Variants in ATP8A2 observed in about 807,000 individuals in gnomAD.
The protein encoded by ATP8A2 is ATPase phospholipid transporting 8A2.
Under a neutral mutation model 165.6 loss-of-function variants are expected in ATP8A2, and 100 were observed. The ratio of observed to expected loss-of-function variants is 0.60; its 90% CI spans 0.51 to 0.71. The LOEUF is 0.71. Ranked by LOEUF, ATP8A2 falls within the 30% of genes least tolerant of loss-of-function variation. ATP8A2 has a pLI of 0.00. For synonymous variants in ATP8A2, 543 were observed against 548.8 expected, an observed-to-expected ratio of 0.99 and a Z score of 0.15; for missense variants, 1,227 against 1,479.5, an observed-to-expected ratio of 0.83 and a Z score of 2.80.
At chr13:25,922,760 A>T (rs1439999772) in intron 33 of ATP8A2, among the ~76,000 whole-genome samples, 1 of 152,180 alleles carries the variant, frequency 6.6e-6, no homozygotes, top group African/African-American at 2.4e-5. Context: ...GGGTTCCCAA[A>T]GAAGGGGGGA....
chr13:25,924,218 C>G (rs1284215240), intron 33 of ATP8A2, among the ~76,000 whole-genome samples: 1 of 152,206 alleles, frequency 6.6e-6, no homozygotes, highest in Non-Finnish European at 1.5e-5. Flanking sequence ...CTGTAGATAT[C>G]TGGATTCATT....
intron 1 of ATP8A2, among the ~76,000 whole-genome samples, chr13:25,437,289 C>T (rs868789464): frequency 6.6e-6 from 1 of 152,194 alleles, no homozygotes; most frequent in Non-Finnish European, 1.5e-5. Flanking sequence ...AGCACCAGAG[C>T]TTTCAAAGAT....
At chr13:25,714,247 C>T (rs1162657373) in intron 25 of ATP8A2, among the ~76,000 whole-genome samples, 1 of 152,056 alleles carries the variant, frequency 6.6e-6, no homozygotes, top group Admixed American at 6.6e-5. Flanking sequence ...TTCTGTGTCC[C>T]GGCCACATTG....
At chr13:25,577,572 G>A (rs1485194754) in intron 20 of ATP8A2, among the ~76,000 whole-genome samples, 2 of 152,030 alleles carry the variant, frequency 1.3e-5, no homozygotes, top group Non-Finnish European at 2.9e-5. Context: ...AGAGAGACGT[G>A]TTTTAGGTAC....
chr13:25,401,293 G>C (rs1045334573), intron 1 of ATP8A2, among the ~76,000 whole-genome samples: 1 of 152,142 alleles, frequency 6.6e-6, no homozygotes, highest in Non-Finnish European at 1.5e-5. Context: ...CAAATGAAAA[G>C]GATTGTTATG....
intron 1 of ATP8A2, among the ~76,000 whole-genome samples, chr13:25,435,408 C>T (rs2034731195): frequency 1.3e-5 from 2 of 152,082 alleles, no homozygotes; most frequent in Admixed American, 6.5e-5. Flanking sequence ...CGTGAACCAC[C>T]GCGCCCGGCT....
chr13:25,510,414 T>C (rs2037187820), intron 2 of ATP8A2, among the ~76,000 whole-genome samples: 1 of 152,106 alleles, frequency 6.6e-6, no homozygotes, highest in Non-Finnish European at 1.5e-5. Flanking sequence ...GAGAACTTAA[T>C]AAGAGCAAAT....
chr13:25,870,996 G>T (rs950419931), intron 33 of ATP8A2, among the ~76,000 whole-genome samples: 1 of 151,798 alleles, frequency 6.6e-6, no homozygotes, highest in African/African-American at 2.4e-5. Flanking sequence ...TTTAGTCCTT[G>T]TCCTCCCTTC....
At chr13:25,662,074 T>C (rs1256617114) in intron 24 of ATP8A2, among the ~76,000 whole-genome samples, 4 of 152,282 alleles carry the variant, frequency 2.6e-5, no homozygotes, top group South Asian at 2.1e-4. Flanking sequence ...CAGGAGCAAA[T>C]TACCTAAGCT....
intron 25 of ATP8A2, among the ~76,000 whole-genome samples, chr13:25,737,406 C>T (rs907737529): frequency 1.2e-4 from 18 of 152,218 alleles, no homozygotes; most frequent in Admixed American, 2.6e-4. Context: ...CAAGAAGAGT[C>T]ACCTGTTGGT....
chr13:25,460,054 A>G (rs1044148111), intron 1 of ATP8A2, among the ~76,000 whole-genome samples: 1 of 152,128 alleles, frequency 6.6e-6, no homozygotes, highest in African/African-American at 2.4e-5. Flanking sequence ...TACAAAAATT[A>G]GCCGGGCATG....
intron 1 of ATP8A2, among the ~76,000 whole-genome samples, chr13:25,450,692 C>A (rs12184862): frequency 1.3e-5 from 2 of 151,908 alleles, no homozygotes; most frequent in South Asian, 2.1e-4. Flanking sequence ...CCACCATGCC[C>A]GGCTAATTTT....
At chr13:25,791,239 A>G (rs906665565) in intron 27 of ATP8A2, among the ~76,000 whole-genome samples, 1 of 152,116 alleles carries the variant, frequency 6.6e-6, no homozygotes, top group Admixed American at 6.5e-5. Flanking sequence ...TTGCAAGACC[A>G]TGGATGGAGC....
intron 27 of ATP8A2, among the ~76,000 whole-genome samples, chr13:25,793,365 G>A (rs2045231993): frequency 6.6e-6 from 1 of 152,074 alleles, no homozygotes; most frequent in South Asian, 2.1e-4. Context: ...TATTAAGTCG[G>A]GTCACCCCAA....
intron 34 of ATP8A2, 136 bp downstream of exon 34, chr13:25,961,799 TGAA>T (rs1022653776): frequency 1.4e-5 from 9 of 665,316 alleles, no homozygotes; most frequent in Non-Finnish European, 5.2e-6. Flanking sequence ...CTGCCAGAAA[TGAA>T]AAAAAAATTT....
chr13:25,933,651 G>T (rs1482995346), intron 33 of ATP8A2, among the ~76,000 whole-genome samples: 1 of 152,136 alleles, frequency 6.6e-6, no homozygotes, highest in African/African-American at 2.4e-5. Flanking sequence ...CTTCCCAAGG[G>T]CATGGGGGTA....
chr13:25,713,920 G>A (rs527640810), intron 25 of ATP8A2, among the ~76,000 whole-genome samples: 8 of 152,194 alleles, frequency 5.3e-5, no homozygotes, highest in African/African-American at 1.9e-4. Flanking sequence ...TACGTAGACT[G>A]TACAGTTATG....
At position 25,372,382 on chromosome 13, in the gene ATP8A2, C is replaced by G; in HGVS notation, c.76+94C>G. 3.2e-6 allele frequency: 3 copies of G among 931,058 alleles called. No individual in the cohort carries two copies. Among genetic ancestry groups the G allele is most frequent in the Non-Finnish European group, 4.3e-6 (3 of 694,174 alleles). The allele number at this position is 931,058 out of a possible 1,614,324, so 57.7% of individuals were successfully genotyped here. A position where few individuals can be genotyped will look rare whatever the true frequency, so the allele number is the denominator to read the frequency against. ...TTATGCGACACTGCCCCGCCCGCGC[C>G]CCGCTCCCCTCCCTGGGCTCCCTGG... On this transcript the variant is annotated intron_variant, in intron 1 of 36. Coordinates refer to ENST00000381655, the MANE Select transcript of ATP8A2 (RefSeq NM_016529.6). The surrounding 1 kb of genome is among the most constrained non-coding windows in gnomAD (Gnocchi z 4.8).
chr13:25,834,904 C>T (rs1358158519), intron 28 of ATP8A2, among the ~76,000 whole-genome samples: 1 of 152,148 alleles, frequency 6.6e-6, no homozygotes, highest in Non-Finnish European at 1.5e-5. Context: ...GTCTTGGCCT[C>T]CCAAAGTGCT....
Sources: gnomAD v4.1 joint callset for allele counts (sites outside exome capture counted in the v4.1 genomes callset) on GRCh38, gnomAD v4.1.1 for gene constraint, Gnocchi (gnomAD v3.1) non-coding constraint, MANE v1.5 for transcripts, NCBI Gene and HGNC (gene_info 2026-07-23, HGNC 2026-07-21) for gene names.